Variants in SLIT2 observed in about 807,000 individuals in gnomAD.
SLIT2 encodes the protein slit guidance ligand 2, also known as slit homolog 2 protein.
SLIT2 carries 41 observed loss-of-function variants against 185.7 expected under a neutral mutation model. That is an observed-to-expected ratio of 0.22 (90% CI 0.17 to 0.29). The LOEUF is 0.29. Among genes scored for constraint, SLIT2 ranks in the 10% least tolerant of loss-of-function variants. The probability of loss-of-function intolerance (pLI) is 1.00; values close to 1 mark genes in which losing one functional copy is unlikely to be tolerated. For synonymous variants in SLIT2, 693 were observed against 680.2 expected (o/e 1.02, Z -0.29); for missense variants, 1,571 against 1,909.0 (o/e 0.82, Z 3.30).
intron 4 of SLIT2, among the ~76,000 whole-genome samples, chr4:20,411,883 A>G (rs1364129052): frequency 2.0e-5 from 3 of 152,192 alleles, no homozygotes; most frequent in Non-Finnish European, 4.4e-5. Context: ...CCAGCGCAGG[A>G]AAGTGAGGAA....
At chr4:20,607,824 G>A (rs1394145753) in intron 33 of SLIT2, among the ~76,000 whole-genome samples, 8 of 152,086 alleles carry the variant, frequency 5.3e-5, no homozygotes, top group Non-Finnish European at 7.4e-5. Flanking sequence ...TAAGGTTGAT[G>A]TTGATAGGAC....
At chr4:20,434,321 T>C (rs1241127733) in intron 4 of SLIT2, among the ~76,000 whole-genome samples, 1 of 151,974 alleles carries the variant, frequency 6.6e-6, no homozygotes, top group African/African-American at 2.4e-5. Flanking sequence ...ACCCTATCTC[T>C]ACTAAAAATA....
intron 4 of SLIT2, among the ~76,000 whole-genome samples, chr4:20,326,345 G>C (rs56372060): frequency 0.21 from 32,362 of 151,818 alleles, 3,931 homozygotes; most frequent in Non-Finnish European, 0.28. Context: ...ACAAGAATGT[G>C]TAATGACTCA....
rs572250585 is a variant in SLIT2 at position 20,399,064 on chromosome 4, A to C, written c.396-68688A>C. On this transcript the variant is annotated intron_variant, in intron 4 of 36. Transcript: ENST00000504154. ...AAGCGTACTTTGTGGTATTCAAGCA[A>C]TCTTGTAAAACATGCCAAGCAGCTT... Among the ~76,000 whole-genome samples the C allele has an allele frequency of 2.6e-5, 4 of 151,696 alleles. No individual in the cohort carries two copies. In the Admixed American group the frequency reaches 2.6e-4, roughly 10 times the overall value.
At chr4:20,271,895 C>A (rs370844528) in intron 4 of SLIT2, among the ~76,000 whole-genome samples, 17 of 152,116 alleles carry the variant, frequency 1.1e-4, no homozygotes, top group African/African-American at 4.1e-4. Context: ...TTTTCATGGA[C>A]TCTAAATGCA....
At chr4:20,593,073 C>T (rs1055906412) in intron 30 of SLIT2, among the ~76,000 whole-genome samples, 1 of 152,074 alleles carries the variant, frequency 6.6e-6, no homozygotes, top group African/African-American at 2.4e-5. Flanking sequence ...TTTAATTATC[C>T]TTACTTCAAA....
chr4:20,521,915 A>G (rs1452100432), intron 12 of SLIT2, among the ~76,000 whole-genome samples: 2 of 152,204 alleles, frequency 1.3e-5, no homozygotes, highest in Non-Finnish European at 2.9e-5. Flanking sequence ...CCCAAACCAC[A>G]TTACACATAT....
intron 4 of SLIT2, among the ~76,000 whole-genome samples, chr4:20,445,414 C>G (rs924177341): frequency 1.1e-4 from 17 of 152,126 alleles, no homozygotes; most frequent in African/African-American, 4.1e-4. Context: ...TGTAGGGATG[C>G]TCATTAAAGA....
chr4:20,502,051 A>G (rs999218453), intron 9 of SLIT2, among the ~76,000 whole-genome samples: 5 of 152,208 alleles, frequency 3.3e-5, no homozygotes, highest in Non-Finnish European at 7.3e-5. Flanking sequence ...ATACATACAT[A>G]TACTCACACA....
At chr4:20,541,690 T>G in intron 20 of SLIT2, 71 bp downstream of exon 20, 1 of 1,323,002 alleles carries the variant, frequency 7.6e-7, no homozygotes, top group Non-Finnish European at 1.1e-6. Context: ...TTTGCACAAA[T>G]CTACAGCATA....
chr4:20,347,098 G>A (rs1405751668), intron 4 of SLIT2, among the ~76,000 whole-genome samples: 2 of 152,298 alleles, frequency 1.3e-5, no homozygotes, highest in Middle Eastern at 3.4e-3. Flanking sequence ...TTATCCTTTG[G>A]AAAATATCAG....
At chr4:20,486,671 A>G (rs1193791320) in intron 7 of SLIT2, among the ~76,000 whole-genome samples, 1 of 152,164 alleles carries the variant, frequency 6.6e-6, no homozygotes, top group Non-Finnish European at 1.5e-5. Context: ...ACGTGAAATT[A>G]TAGCATCACC....
chr4:20,360,501 C>T (rs540676492), intron 4 of SLIT2, among the ~76,000 whole-genome samples: 5 of 152,006 alleles, frequency 3.3e-5, no homozygotes, highest in Non-Finnish European at 7.4e-5. Context: ...TTTCTTTGTA[C>T]TGTGATTCAT....
chr4:20,302,552 A>G (rs1717153856), intron 4 of SLIT2, among the ~76,000 whole-genome samples: 1 of 152,172 alleles, frequency 6.6e-6, no homozygotes, highest in Admixed American at 6.6e-5. Context: ...GTCAGAGGCT[A>G]GAGCATTCAC....
intron 29 of SLIT2, chr4:20,573,180 T>G (rs1725760576): frequency 1.4e-6 from 1 of 702,892 alleles, no homozygotes; most frequent in Non-Finnish European, 2.6e-6. Flanking sequence ...TGTGCTCTGC[T>G]GTTGTATTGC....
At chr4:20,541,428 T>A in intron 19 of SLIT2, 25 bp from the exon 20 acceptor site, 1 of 1,610,928 alleles carries the variant, frequency 6.2e-7, no homozygotes, top group Admixed American at 1.7e-5. Context: ...GGCTAAACTG[T>A]GCATCGTTTG....
intron 6 of SLIT2, among the ~76,000 whole-genome samples, chr4:20,485,714 G>A (rs1717159646): frequency 6.6e-6 from 1 of 152,138 alleles, no homozygotes; most frequent in African/African-American, 2.4e-5. Context: ...GTAAATAATA[G>A]TTATCAGGAC....
At chr4:20,375,234 T>A (rs1723926453) in intron 4 of SLIT2, among the ~76,000 whole-genome samples, 1 of 152,008 alleles carries the variant, frequency 6.6e-6, no homozygotes, top group African/African-American at 2.4e-5. Context: ...ACTGAATAAT[T>A]GTTGAAGGAA....
intron 17 of SLIT2, among the ~76,000 whole-genome samples, chr4:20,532,868 A>C (rs1721926570): frequency 1.3e-5 from 2 of 152,216 alleles, no homozygotes; most frequent in South Asian, 4.1e-4. Context: ...CCATGCAACA[A>C]ATATTTATTA....
Sources: gnomAD v4.1 joint callset for allele counts (sites outside exome capture counted in the v4.1 genomes callset) on GRCh38, gnomAD v4.1.1 for gene constraint, MANE v1.5 for transcripts, NCBI Gene and HGNC (gene_info 2026-07-23, HGNC 2026-07-21) for gene names.